Variants in STK32C observed in about 807,000 individuals in gnomAD.
STK32C encodes the protein serine/threonine kinase 32C, also known as serine/threonine-protein kinase 32C.
In STK32C, 31 loss-of-function variants were observed where a neutral mutation model predicts 56.5. The observed-to-expected ratio is 0.55, with a 90% confidence interval of 0.41 to 0.74. The LOEUF (loss-of-function observed/expected upper bound fraction) is 0.74. STK32C is among the 30% of genes least tolerant of loss of function. The probability of loss-of-function intolerance (pLI) is 0.00; values close to 1 mark genes in which losing one functional copy is unlikely to be tolerated. For synonymous variants in STK32C, 309 were observed against 289.4 expected (o/e 1.07, Z -0.69); for missense variants, 544 against 676.9 (o/e 0.80, Z 2.18).
chr10:132,207,674 C>T lies in STK32C; in HGVS notation c.*336G>A, dbSNP rs770496851. On this transcript the variant is annotated 3_prime_UTR_variant, in exon 12 of 12. Transcript: ENST00000298630. ...GCAAGGGTCACCTTGTGACGAGGGC[C>T]GTGCACAGCCTCCGGGCTGAGCAGG... 9 of 236,784 alleles carry T rather than the reference C, an allele frequency of 3.8e-5. No homozygotes were observed. The highest frequency in any genetic ancestry group is 3.6e-4 in the South Asian group (2 of 5,584). The allele number at this position is 236,784 out of a possible 1,614,324, so 14.7% of individuals were successfully genotyped here. A position where few individuals can be genotyped will look rare whatever the true frequency, so the allele number is the denominator to read the frequency against.
intron 10 of STK32C, among the ~76,000 whole-genome samples, chr10:132,217,356 G>C (rs2818406): frequency 6.6e-6 from 1 of 152,072 alleles, no homozygotes; most frequent in Non-Finnish European, 1.5e-5. Flanking sequence ...AATTTACCCA[G>C]TGCCTGTACC....
At chr10:132,318,357 T>C (rs1049824268) in intron 1 of STK32C, among the ~76,000 whole-genome samples, 1 of 152,082 alleles carries the variant, frequency 6.6e-6, no homozygotes, top group Admixed American at 6.5e-5. Context: ...GGCTCACGCT[T>C]GTAATCCCAG....
chr10:132,258,792 G>T (rs2138050199), intron 1 of STK32C, among the ~76,000 whole-genome samples: 1 of 152,338 alleles, frequency 6.6e-6, no homozygotes, highest in East Asian at 1.9e-4. Flanking sequence ...CACACCTCAG[G>T]GCCGGATGAG....
Position 132,302,077 on chromosome 10 carries a change from G to A in STK32C, c.262+5495C>T, listed in dbSNP as rs547679066. Among the ~76,000 whole-genome samples, 9 of 152,278 alleles carry A rather than the reference G, an allele frequency of 5.9e-5. No homozygotes were observed. In the East Asian group the frequency reaches 1.7e-3, roughly 29 times the overall value. ...TTTTCACAAGTCCTGGGTGACTGGG[G>A]GTCCGGGACAGGCAGGAAAGCTGCT... On this transcript the variant is annotated intron_variant, in intron 1 of 11. Coordinates refer to ENST00000298630, the MANE Select transcript of STK32C (RefSeq NM_173575.4).
Position 132,208,128 on chromosome 10 carries a change from G to A in STK32C, c.1343C>T (p.Pro448Leu), listed in dbSNP as rs769367120. The change falls in exon 12 of 12, where the codon CCG becomes CTG. Residue 448 changes from proline to leucine, a missense_variant. This residue lies in a region of STK32C where 277 missense variants were observed against 309.3 expected (regional missense o/e 0.90). Coordinates refer to ENST00000298630, the MANE Select transcript of STK32C (RefSeq NM_173575.4). Reference sequence around the variant, plus strand: ...CTCAGGGGCGGGGAGAGGCTCCCTCGGGAGGTCCTGGCTCCTCTTCAGCCT... The same window carrying A: ...CTCAGGGGCGGGGAGAGGCTCCCTCAGGAGGTCCTGGCTCCTCTTCAGCCT... ...REKLKRSQDL[P>L]REPLPAPESR... is the part of the protein sequence containing the mutation. 2.7e-5 allele frequency: 35 copies of A among 1,310,420 alleles called. No homozygotes were observed. The highest frequency in any genetic ancestry group is 3.2e-5 in the South Asian group (1 of 31,294). The allele number at this position is 1,310,420 out of a possible 1,614,324, so 81.2% of individuals were successfully genotyped here.
intron 10 of STK32C, among the ~76,000 whole-genome samples, chr10:132,212,656 C>A (rs929489202): frequency 1.3e-5 from 2 of 152,238 alleles, no homozygotes; most frequent in Non-Finnish European, 2.9e-5. Flanking sequence ...ACCTGCCAAT[C>A]TCCTGTCTGA....
intron 1 of STK32C, among the ~76,000 whole-genome samples, chr10:132,299,863 T>C (rs1255440066): frequency 1.3e-5 from 2 of 152,210 alleles, no homozygotes; most frequent in African/African-American, 4.8e-5. Context: ...CAGGAACAGC[T>C]TTCCCACAGC....
intron 1 of STK32C, among the ~76,000 whole-genome samples, chr10:132,281,643 GA>G (rs1023479411): frequency 9.8e-5 from 15 of 152,336 alleles, no homozygotes; most frequent in Admixed American, 9.8e-4. Flanking sequence ...TCTTCTATCA[GA>G]AAAGGGCTCC....
chr10:132,312,667 A>C (rs545957605), upstream of STK32C, among the ~76,000 whole-genome samples: 1 of 152,224 alleles, frequency 6.6e-6, no homozygotes, highest in African/African-American at 2.4e-5. Context: ...TGCACTACGT[A>C]AACTAAAATT....
At chr10:132,328,177 C>T (rs912796583) in intron 1 of STK32C, among the ~76,000 whole-genome samples, 6 of 152,132 alleles carry the variant, frequency 3.9e-5, no homozygotes, top group African/African-American at 1.4e-4. Flanking sequence ...TCTCCCTGCG[C>T]ATTCTGGGAT....
chr10:132,319,084 G>T (rs1357186182), downstream of STK32C, among the ~76,000 whole-genome samples: 2 of 152,166 alleles, frequency 1.3e-5, no homozygotes, highest in African/African-American at 2.4e-5. Flanking sequence ...AAGTAGCTGG[G>T]ATTACAGGCG....
At chr10:132,318,868 A>T (rs531226517) in intron 1 of STK32C, among the ~76,000 whole-genome samples, 17 of 63,308 alleles carry the variant, frequency 2.7e-4, no homozygotes, top group Middle Eastern at 7.8e-3. Flanking sequence ...TGCCATAATT[A>T]AAAAAAAAAA....
In STK32C at chr10:132,222,967, T is replaced by C; in HGVS notation, c.1013A>G (p.Glu338Gly). ...LLRKLLTVNP[E>G]HRLSSLQDVQ... ...GTCCTGGAGGCTGGAGAGCCGGTGC[T>C]CGGGGTTCACAGTGAGGAGCTGCAA... Residue 338 changes from glutamate (E) to glycine (G), a missense_variant, in exon 9 of 12, where the codon GAG (glutamate) becomes GGG (glycine). Around this residue, in one of 3 missense-constraint regions of STK32C, gnomAD observed 277 missense variants for 309.3 expected, o/e 0.90. Transcript: ENST00000298630. 1.3e-6 allele frequency: 2 copies of C among 1,550,486 alleles called. No individual in the cohort carries two copies. Among genetic ancestry groups the C allele is most frequent in the Non-Finnish European group, 1.7e-6 (2 of 1,151,598 alleles).
intron 1 of STK32C, among the ~76,000 whole-genome samples, chr10:132,285,546 G>C (rs952838753): frequency 2.0e-5 from 3 of 152,228 alleles, no homozygotes; most frequent in African/African-American, 7.2e-5. Context: ...CATACAGTTA[G>C]GTGACTACAT....
Position 132,222,761 on chromosome 10 carries a change from C to T in STK32C, c.1131G>A (p.Leu377=), listed in dbSNP as rs763521901. 1.2e-6 allele frequency: 2 copies of T among 1,603,250 alleles called. No individual in the cohort carries two copies. The highest frequency in any genetic ancestry group is 1.1e-5 in the South Asian group (1 of 89,500). ...CCAGCTCAAAGGTGGGGTCGCAGTG[C>T]AGACGGCCTTTCTACAGAGGGATGG... is the stretch of plus-strand genomic sequence containing the variant. ...EPGFVPNKGR[L]HCDPTFELEE... The change falls in exon 10 of 12, where the codon CTG becomes CTA. Residue 377 remains leucine, a synonymous_variant. Coordinates refer to ENST00000298630, the MANE Select transcript of STK32C (RefSeq NM_173575.4).
chr10:132,224,320 C>T, intron 8 of STK32C, 87 bp downstream of exon 8: 3 of 955,922 alleles, frequency 3.1e-6, no homozygotes, highest in Admixed American at 4.0e-5. Flanking sequence ...ACTAACTGTG[C>T]ACTGGAGGGG....
chr10:132,329,483 G>A (rs1383742436), intron 1 of STK32C, among the ~76,000 whole-genome samples: 2 of 152,124 alleles, frequency 1.3e-5, no homozygotes, highest in Non-Finnish European at 1.5e-5. Flanking sequence ...GAAAACAGCC[G>A]TGAACATTAA....
Position 132,255,627 on chromosome 10 carries a change from A to G in STK32C, c.263-9672T>C, listed in dbSNP as rs2818400. Among the ~76,000 whole-genome samples, 101,788 of 152,048 alleles carry G rather than the reference A, an allele frequency of 0.67. 34,401 individuals carry two copies. Among genetic ancestry groups the G allele is most frequent in the East Asian group, 0.75 (3,882 of 5,152 alleles). On this transcript the variant is annotated intron_variant, in intron 1 of 11. Transcript: ENST00000298630. The surrounding 1 kb of genome is among the most constrained non-coding windows in gnomAD (Gnocchi z 4.6). ...CCAGGAGAGGAGCAGGGGGCCCTGC[A>G]GGAAGCAGGTCCCTCAACCCTTGCT...
chr10:132,226,716 C>T, intron 4 of STK32C, 79 bp downstream of exon 4: 1 of 1,541,832 alleles, frequency 6.5e-7, no homozygotes, highest in Non-Finnish European at 8.8e-7. Context: ...AGTACGGCCG[C>T]CGTGCCGGCA....
Sources: gnomAD v4.1 joint callset for allele counts (sites outside exome capture counted in the v4.1 genomes callset) on GRCh38, gnomAD v4.1.1 for gene constraint, gnomAD v4.1.1 regional missense constraint, Gnocchi (gnomAD v3.1) non-coding constraint, MANE v1.5 for transcripts, NCBI Gene and HGNC (gene_info 2026-07-23, HGNC 2026-07-21) for gene names.